Variants in KIAA1217 observed in about 807,000 individuals in gnomAD.
The protein encoded by KIAA1217 is KIAA1217, also known as sickle tail protein homolog.
A neutral mutation model predicts 163.9 loss-of-function variants in KIAA1217; 88 were observed. The observed-to-expected ratio is 0.54, with a 90% CI of 0.45 to 0.64. The LOEUF is 0.64. Ranked by LOEUF, KIAA1217 falls within the 30% of genes least tolerant of loss-of-function variation. The pLI is 0.00. For synonymous variants in KIAA1217, 903 were observed against 923.1 expected (o/e 0.98, Z 0.39); for missense variants, 2,372 against 2,475.0 (o/e 0.96, Z 0.88).
intron 2 of KIAA1217, among the ~76,000 whole-genome samples, chr10:24,024,544 C>A (rs1313173473): frequency 1.3e-5 from 2 of 151,602 alleles, no homozygotes; most frequent in Non-Finnish European, 3.0e-5. Context: ...AGTAATTCTA[C>A]ATGTGGATAT....
At chr10:23,958,537 CT>C (rs1361648465) in intron 1 of KIAA1217, among the ~76,000 whole-genome samples, 1 of 152,150 alleles carries the variant, frequency 6.6e-6, no homozygotes, top group Non-Finnish European at 1.5e-5. Context: ...AGCAAGGTTT[CT>C]TTGTATATTG....
intron 1 of KIAA1217, among the ~76,000 whole-genome samples, chr10:23,876,511 AAAAG>A (rs1840702228): frequency 6.6e-6 from 1 of 151,940 alleles, no homozygotes; most frequent in Non-Finnish European, 1.5e-5. Flanking sequence ...AAATAAAAAA[AAAAG>A]AAAATGCACC....
At chr10:24,398,993 G>T (rs2056199501) in intron 3 of KIAA1217, among the ~76,000 whole-genome samples, 1 of 152,164 alleles carries the variant, frequency 6.6e-6, no homozygotes, top group Non-Finnish European at 1.5e-5. Flanking sequence ...ATCACCTGAT[G>T]GTTGCCTGAC....
chr10:23,970,902 G>T lies in KIAA1217; in HGVS notation c.-320-36323G>T, dbSNP rs182941200. 7.9e-5 allele frequency among the ~76,000 whole-genome samples: 12 copies of T among 152,290 alleles called. No individual in the cohort carries two copies. The East Asian group carries it at 9.6e-4, about 12-fold the overall frequency. The stretch of plus-strand genomic sequence containing the variant: ...CCTCAGGAGAAATAATTCAACTGAG[G>T]GGGGGATAAGGCAGAGTGAGGAGAC... On this transcript the variant is annotated intron_variant, in intron 1 of 18. Coordinates refer to the KIAA1217 transcript ENST00000376462.
chr10:24,425,994 A>T (rs12572378), intron 3 of KIAA1217, among the ~76,000 whole-genome samples: 27,753 of 152,044 alleles, frequency 0.18, 2,549 homozygotes, highest in East Asian at 0.23. Context: ...CAGAAAACGC[A>T]ATAAGAATCC....
intron 1 of KIAA1217, among the ~76,000 whole-genome samples, chr10:23,903,027 C>A (rs932194734): frequency 6.6e-6 from 1 of 151,984 alleles, no homozygotes; most frequent in African/African-American, 2.4e-5. Flanking sequence ...CCTTTTAGCT[C>A]CTTTGCACTG....
intron 2 of KIAA1217, among the ~76,000 whole-genome samples, chr10:24,341,701 A>T (rs1468113544): frequency 6.6e-6 from 1 of 152,230 alleles, no homozygotes; most frequent in Admixed American, 6.5e-5. Flanking sequence ...AGCAAAGAGC[A>T]TGAAACTGGT....
intron 2 of KIAA1217, among the ~76,000 whole-genome samples, chr10:24,026,345 T>G (rs545172535): frequency 1.1e-3 from 168 of 152,040 alleles, no homozygotes; most frequent in Non-Finnish European, 2.0e-3. Context: ...AAAATTTGTG[T>G]TATACTATTC....
chr10:24,088,274 T>TATATATATATACAC (rs1285415158), intron 2 of KIAA1217, among the ~76,000 whole-genome samples: 4 of 107,246 alleles, frequency 3.7e-5, no homozygotes, highest in African/African-American at 1.2e-4. Flanking sequence ...TATATATATA[T>TATATATATATACAC]ACACACATAT....
chr10:24,416,077 C>A (rs1023163698), intron 3 of KIAA1217, among the ~76,000 whole-genome samples: 13 of 152,150 alleles, frequency 8.5e-5, no homozygotes, highest in Non-Finnish European at 1.5e-5. Flanking sequence ...TACCCTGTTA[C>A]AAGGGAGGAA....
chr10:24,070,514 T>C (rs1448918893), intron 2 of KIAA1217, among the ~76,000 whole-genome samples: 1 of 152,214 alleles, frequency 6.6e-6, no homozygotes, highest in African/African-American at 2.4e-5. Flanking sequence ...ATAATCAATT[T>C]TAATCTTTGG....
intron 1 of KIAA1217, among the ~76,000 whole-genome samples, chr10:23,897,851 T>C (rs1483738737): frequency 6.6e-6 from 1 of 151,744 alleles, no homozygotes; most frequent in African/African-American, 2.4e-5. Context: ...TAAATGTCTA[T>C]AGTATGTTAC....
At chr10:24,484,241 ATTTTTTT>A (rs59233394) in intron 6 of KIAA1217, among the ~76,000 whole-genome samples, 16 of 75,160 alleles carry the variant, frequency 2.1e-4, no homozygotes, top group Admixed American at 1.3e-3. Context: ...ATATATATAT[ATTTTTTT>A]TTTTTTTTTT....
intron 2 of KIAA1217, among the ~76,000 whole-genome samples, chr10:24,246,199 G>A (rs1052485530): frequency 3.9e-5 from 6 of 152,176 alleles, no homozygotes; most frequent in Non-Finnish European, 8.8e-5. Context: ...GGCTGTGTGT[G>A]TGTTTATGAC....
rs1480520941 is a variant in KIAA1217 at position 24,524,700 on chromosome 10, T to C, written c.2834T>C (p.Met945Thr). 2 of 1,612,734 alleles carry C rather than the reference T, an allele frequency of 1.2e-6. No homozygotes were observed. The highest frequency in any genetic ancestry group is 1.3e-5 in the African/African-American group (1 of 74,898). ...CAGATACCCATGAATGGGTCTGCCA[T>C]GCAGAGCTTGTTCATTGAAGAAATC... Reference protein sequence around the residue: ...SPQIPMNGSAMQSLFIEEIHS... With the variant: ...SPQIPMNGSATQSLFIEEIHS... The change falls in exon 13 of 21, where the codon ATG (methionine) becomes ACG (threonine). Residue 945 changes from methionine to threonine, a missense_variant. Physicochemically the swap from Met to Thr is moderately conservative, Grantham distance 81. Transcript: ENST00000376454.
In KIAA1217 at chr10:24,450,713, A is replaced by G. The variant is rs150228989; in HGVS notation, c.846+12234A>G. Among the ~76,000 whole-genome samples the G allele has an allele frequency of 1.4e-3, 220 of 152,308 alleles. 2 individuals carry two copies. The highest frequency in any genetic ancestry group is 5.1e-3 in the African/African-American group (213 of 41,564). ...TCTATTTAGTCATCATGATAACCCTATGGAATAGGTACTATTACACCCATT... is the reference window on the plus strand; with the variant it reads ...TCTATTTAGTCATCATGATAACCCTGTGGAATAGGTACTATTACACCCATT... On this transcript the variant is annotated intron_variant, in intron 5 of 20. Transcript: ENST00000376454.
At chr10:23,886,313 G>A (rs548118443) in intron 1 of KIAA1217, among the ~76,000 whole-genome samples, 1 of 151,876 alleles carries the variant, frequency 6.6e-6, no homozygotes, top group Non-Finnish European at 1.5e-5. Context: ...ACTTTCCTTT[G>A]AATGTCTGGT....
intron 2 of KIAA1217, among the ~76,000 whole-genome samples, chr10:24,141,866 TG>T (rs1304561787): frequency 1.3e-5 from 1 of 74,660 alleles, no homozygotes; most frequent in Non-Finnish European, 3.1e-5. Context: ...AAATTTCTAT[TG>T]TTTTTTTTTA....
At chr10:24,323,378 G>A (rs1027044537) in intron 2 of KIAA1217, among the ~76,000 whole-genome samples, 3 of 152,226 alleles carry the variant, frequency 2.0e-5, no homozygotes, top group South Asian at 2.1e-4. Flanking sequence ...TTTGCGTGCC[G>A]TCAGTGGCTA....
Sources: allele counts gnomAD v4.1 joint callset (sites outside exome capture counted in the v4.1 genomes callset), GRCh38; gene constraint gnomAD v4.1.1; transcripts MANE v1.5; gene names NCBI Gene and HGNC (gene_info 2026-07-23, HGNC 2026-07-21).